PPP1R12B: variants seen among roughly 807,000 people sequenced by gnomAD.
PPP1R12B encodes myosin phosphatase target subunit 2.
PPP1R12B carries 76 observed loss-of-function variants against 126.1 expected under a neutral mutation model. The ratio of observed to expected loss-of-function variants is 0.60; its 90% CI spans 0.50 to 0.73. The LOEUF (loss-of-function observed/expected upper bound fraction) is 0.73, where lower values mean the gene tolerates loss of function less well. Among genes scored for constraint, PPP1R12B ranks in the 30% least tolerant of loss-of-function variants. The probability of loss-of-function intolerance (pLI) is 0.00; values close to 1 mark genes in which losing one functional copy is unlikely to be tolerated. For missense variants in PPP1R12B, 1,052 were observed against 1,205.1 expected (o/e 0.87, Z 1.88); for synonymous variants, 356 against 434.7 (o/e 0.82, Z 2.25).
intron 15 of PPP1R12B, 21 bp downstream of exon 15, chr1:202,493,338 A>C: frequency 6.2e-7 from 1 of 1,606,270 alleles, no homozygotes; most frequent in Non-Finnish European, 8.5e-7. Context: ...TTTTGCTGGC[A>C]TGTACTGTGC....
At chr1:202,360,892 CTTTT>C (rs11311546) in intron 1 of PPP1R12B, among the ~76,000 whole-genome samples, 4 of 109,412 alleles carry the variant, frequency 3.7e-5, no homozygotes, top group Non-Finnish European at 5.9e-5. Context: ...ACCATTAGCT[CTTTT>C]TTTTTTTTTT....
intron 20 of PPP1R12B, among the ~76,000 whole-genome samples, chr1:202,563,532 G>A (rs1211930658): frequency 6.6e-6 from 1 of 151,272 alleles, no homozygotes; most frequent in Non-Finnish European, 1.5e-5. Flanking sequence ...GTCTCTCTGA[G>A]CCCCTGAGAA....
At chr1:202,364,634 T>G (rs1010381987) in intron 1 of PPP1R12B, among the ~76,000 whole-genome samples, 2 of 152,236 alleles carry the variant, frequency 1.3e-5, no homozygotes, top group Admixed American at 6.5e-5. Flanking sequence ...TGGAGTGCAG[T>G]GGCATGATCT....
At position 202,440,675 on chromosome 1, in the gene PPP1R12B, T is replaced by G. The variant is rs1671488097; in HGVS notation, c.1459-31T>G. The G allele has an allele frequency of 2.6e-6, 4 of 1,537,518 alleles. No homozygotes were observed. In the South Asian group the frequency reaches 4.5e-5, roughly 17 times the overall value. On this transcript the variant is annotated intron_variant, in intron 10 of 23. Coordinates refer to ENST00000608999, the MANE Select transcript of PPP1R12B (RefSeq NM_002481.4). ...TTTATGCTGTGCCAGTATTGTACCT[T>G]TCTTGTGCTTTACTTGTTTTTATTT... is the stretch of plus-strand genomic sequence containing the variant.
chr1:202,438,985 G>A, intron 10 of PPP1R12B: 1 of 1,501,280 alleles, frequency 6.7e-7, no homozygotes, highest in East Asian at 2.3e-5. Context: ...AGGAGCGCAT[G>A]GCCCTGGCCA....
intron 21 of PPP1R12B, among the ~76,000 whole-genome samples, chr1:202,566,417 A>G (rs1688053211): frequency 6.6e-6 from 1 of 152,240 alleles, no homozygotes. Flanking sequence ...TTGGCAGGAC[A>G]GTGGAGGGAG....
chr1:202,468,119 T>G (rs968018550), intron 13 of PPP1R12B, among the ~76,000 whole-genome samples: 6 of 152,366 alleles, frequency 3.9e-5, no homozygotes, highest in African/African-American at 1.4e-4. Flanking sequence ...AGATTCTGGA[T>G]ATTAGCCCTT....
At chr1:202,443,367 A>G (rs561052676) in intron 12 of PPP1R12B, among the ~76,000 whole-genome samples, 93 of 152,264 alleles carry the variant, frequency 6.1e-4, no homozygotes, top group African/African-American at 2.1e-3. Context: ...GGTTTTTTAG[A>G]TGATTGGTTG....
intron 1 of PPP1R12B, among the ~76,000 whole-genome samples, chr1:202,368,317 G>A (rs1659641837): frequency 6.6e-6 from 1 of 152,094 alleles, no homozygotes; most frequent in South Asian, 2.1e-4. Context: ...CCGCAACCTT[G>A]CTCCCATTCT....
chr1:202,496,912 C>A, intron 18 of PPP1R12B, 90 bp downstream of exon 18: 2 of 1,317,012 alleles, frequency 1.5e-6, no homozygotes, highest in Non-Finnish European at 2.1e-6. Context: ...AGACTTAATG[C>A]AGATTTTAGT....
chr1:202,432,852 G>A (rs1670352740), intron 8 of PPP1R12B, among the ~76,000 whole-genome samples: 1 of 152,158 alleles, frequency 6.6e-6, no homozygotes, highest in Non-Finnish European at 1.5e-5. Context: ...GCCATGGCTG[G>A]CCTACCTATA....
chr1:202,360,737 A>C (rs1658023079), intron 1 of PPP1R12B, among the ~76,000 whole-genome samples: 1 of 152,036 alleles, frequency 6.6e-6, no homozygotes, highest in African/African-American at 2.4e-5. Flanking sequence ...AATTGTGAAT[A>C]AAATAGTTAA....
chr1:202,588,879 G>A lies in PPP1R12B; in HGVS notation c.*8319G>A, dbSNP rs967188816. 8.3e-6 allele frequency: 1 copy of A among 119,958 alleles called. No individual in the cohort carries two copies. Among genetic ancestry groups the A allele is most frequent in the Admixed American group, 8.2e-5 (1 of 12,122 alleles). 7.4% of individuals were successfully genotyped at this position (119,958 alleles called of 1,614,324 possible). On this transcript the variant is annotated 3_prime_UTR_variant, in exon 24 of 24. Transcript: ENST00000608999. The stretch of plus-strand genomic sequence containing the variant: ...GATAGATAGATAGATAGATATCAAG[G>A]TTCCAAGCTTCAAGTAACCAAGAGT...
chr1:202,524,766 A>G (rs1209399520), intron 18 of PPP1R12B, among the ~76,000 whole-genome samples: 3 of 152,248 alleles, frequency 2.0e-5, no homozygotes, highest in Admixed American at 1.3e-4. Context: ...TTATCCACTC[A>G]TTGATTGATG....
chr1:202,354,741 G>T (rs1166015076), intron 1 of PPP1R12B, among the ~76,000 whole-genome samples: 1 of 151,294 alleles, frequency 6.6e-6, no homozygotes, highest in Non-Finnish European at 1.5e-5. Context: ...TCTGCGTCCC[G>T]GGCTCAAGCA....
chr1:202,493,473 A>G (rs1174716662), intron 15 of PPP1R12B, among the ~76,000 whole-genome samples, 156 bp downstream of exon 15: 1 of 152,212 alleles, frequency 6.6e-6, no homozygotes, highest in African/African-American at 2.4e-5. Context: ...TGTGACAAAA[A>G]TTTAGAGGAT....
chr1:202,352,120 CA>C (rs1388593505), intron 1 of PPP1R12B, among the ~76,000 whole-genome samples: 1 of 152,160 alleles, frequency 6.6e-6, no homozygotes, highest in Non-Finnish European at 1.5e-5. Flanking sequence ...GAGTCCTTAA[CA>C]AGGTATTAAT....
intron 1 of PPP1R12B, among the ~76,000 whole-genome samples, chr1:202,388,629 A>T (rs536906783): frequency 6.6e-6 from 1 of 152,230 alleles, no homozygotes; most frequent in Non-Finnish European, 1.5e-5. Flanking sequence ...TTGATCTAGT[A>T]GTACTACAAT....
rs1038104555 is a variant in PPP1R12B, at chr1:202,582,563, A to G, written c.*2003A>G. 6.6e-6 allele frequency: 1 copy of G among 152,608 alleles called. No individual in the cohort carries two copies. The highest frequency in any genetic ancestry group is 2.4e-5 in the African/African-American group (1 of 41,416). 9.5% of individuals were successfully genotyped at this position (152,608 alleles called of 1,614,324 possible). A position where few individuals can be genotyped will look rare whatever the true frequency, so the allele number is the denominator to read the frequency against. On this transcript the variant is annotated 3_prime_UTR_variant, in exon 24 of 24. Coordinates refer to ENST00000608999, the MANE Select transcript of PPP1R12B (RefSeq NM_002481.4). ...CATGGTCCTCCCTCTGAAACACCACATGCTGTTTAAACTAGAAGCTGTAAT... is the reference window on the plus strand; with the variant it reads ...CATGGTCCTCCCTCTGAAACACCACGTGCTGTTTAAACTAGAAGCTGTAAT...
Sources: gnomAD v4.1 joint callset for allele counts (sites outside exome capture counted in the v4.1 genomes callset) on GRCh38, gnomAD v4.1.1 for gene constraint, MANE v1.5 for transcripts, NCBI Gene and HGNC (gene_info 2026-07-23, HGNC 2026-07-21) for gene names.